The following HERC1 variants were observed in gnomAD, a reference collection of about 807,000 sequenced individuals.
HERC1 encodes the protein HECT and RLD domain containing E3 ubiquitin protein ligase family member 1.
In HERC1, 160 loss-of-function variants were observed where a neutral mutation model predicts 554.3. The ratio of observed to expected loss-of-function variants is 0.29; its 90% CI spans 0.25 to 0.33. HERC1 has a LOEUF of 0.33. Among genes scored for constraint, HERC1 ranks in the 10% least tolerant of loss-of-function variants. The pLI, the probability that HERC1 is intolerant of heterozygous loss-of-function variation, is 1.00. For synonymous variants in HERC1, 2,175 were observed against 2,131.7 expected, an observed-to-expected ratio of 1.02 and a Z score of -0.56; for missense variants, 4,919 against 5,918.5, an observed-to-expected ratio of 0.83 and a Z score of 5.54.
At chr15:63,672,884 C>A (rs1304804778) in intron 38 of HERC1, among the ~76,000 whole-genome samples, 190 bp from the exon 39 acceptor site, 2 of 152,146 alleles carry the variant, frequency 1.3e-5, no homozygotes, top group African/African-American at 4.8e-5. Context: ...CTACTGTACT[C>A]ATTAATTCCA....
Position 63,674,522 on chromosome 15 carries a change from C to A in HERC1, c.7666G>T (p.Asp2556Tyr). 1 of 1,613,584 alleles carries A rather than the reference C, an allele frequency of 6.2e-7. No homozygotes were observed. The highest frequency in any genetic ancestry group is 8.5e-7 in the Non-Finnish European group (1 of 1,179,664). Reference sequence around the variant, plus strand: ...TGCAGGGCTGCTCGCATCTCCACGTCTTCATGAACAACTGGAGAACTTGCA... The same window carrying A: ...TGCAGGGCTGCTCGCATCTCCACGTATTCATGAACAACTGGAGAACTTGCA... ...DCASSPVVHE[D>Y]VEMRAALQFL... Residue 2556 changes from aspartate (D) to tyrosine (Y), a missense_variant, in exon 38 of 78, where the codon GAC (aspartate) becomes TAC (tyrosine). Coordinates refer to ENST00000443617, the MANE Select transcript of HERC1 (RefSeq NM_003922.4).
At chr15:63,625,953 G>T (rs1445980936) in intron 71 of HERC1, 32 bp downstream of exon 71, 1 of 1,586,092 alleles carries the variant, frequency 6.3e-7, no homozygotes, top group African/African-American at 1.3e-5. Flanking sequence ...AAGCCAGTCT[G>T]TGCCTGGCTG....
At chr15:63,829,980 C>A (rs1488032025) in intron 1 of HERC1, among the ~76,000 whole-genome samples, 1 of 152,078 alleles carries the variant, frequency 6.6e-6, no homozygotes, top group Non-Finnish European at 1.5e-5. Flanking sequence ...GGAAAGGGGA[C>A]ATCTCTCCCT....
rs555618523 is a variant in HERC1 at position 63,734,673 on chromosome 15, C to T, written c.2646+51G>A. ...TTATTAGTTTTATTTCCTTCTCAGTCCAAATTTTTAGGATACTACTGGTTT... is the reference window on the plus strand; with the variant it reads ...TTATTAGTTTTATTTCCTTCTCAGTTCAAATTTTTAGGATACTACTGGTTT... On this transcript the variant is annotated intron_variant, in intron 13 of 77. Coordinates refer to ENST00000443617, the MANE Select transcript of HERC1 (RefSeq NM_003922.4). This position sits in a 1 kb window ranked among gnomAD's most constrained non-coding sequence, Gnocchi z 4.6. 2.8e-4 allele frequency: 408 copies of T among 1,462,938 alleles called. 6 individuals are homozygous for T. In the South Asian group the frequency reaches 5.2e-3, roughly 19 times the overall value. 90.6% of individuals were successfully genotyped at this position (1,462,938 alleles called of 1,614,324 possible). A position where few individuals can be genotyped will look rare whatever the true frequency, so the allele number is the denominator to read the frequency against.
chr15:63,799,506 A>C (rs2076913671), intron 1 of HERC1, among the ~76,000 whole-genome samples: 1 of 151,944 alleles, frequency 6.6e-6, no homozygotes, highest in African/African-American at 2.4e-5. Flanking sequence ...CCTCTAAAAA[A>C]AAAAAAATAG....
At chr15:63,792,721 C>T (rs754563295) in intron 1 of HERC1, among the ~76,000 whole-genome samples, 9 of 152,168 alleles carry the variant, frequency 5.9e-5, no homozygotes, top group Non-Finnish European at 8.8e-5. Flanking sequence ...TTTCTCCACA[C>T]GCCAAGCAAG....
chr15:63,833,711 C>T (rs965852768), intron 1 of HERC1, 116 bp downstream of exon 1: 1 of 151,992 alleles, frequency 6.6e-6, no homozygotes, highest in Non-Finnish European at 1.5e-5. Flanking sequence ...CGAAACGGCC[C>T]CGGCCGGCCC....
intron 1 of HERC1, among the ~76,000 whole-genome samples, chr15:63,814,012 T>G (rs1035457777): frequency 6.6e-6 from 1 of 152,018 alleles, no homozygotes; most frequent in Non-Finnish European, 1.5e-5. Flanking sequence ...TGAGCTGAGA[T>G]CGCACCATTG....
chr15:63,764,890 A>G (rs2075725132), intron 2 of HERC1, among the ~76,000 whole-genome samples: 1 of 152,234 alleles, frequency 6.6e-6, no homozygotes, highest in African/African-American at 2.4e-5. Flanking sequence ...CATGCACATT[A>G]AGAGGCAAAA....
chr15:63,638,642 AAC>A, intron 62 of HERC1, 67 bp downstream of exon 62: 1 of 1,583,782 alleles, frequency 6.3e-7, no homozygotes, highest in Non-Finnish European at 8.7e-7. Flanking sequence ...CCAGGGCACA[AAC>A]ACACAAGCAT....
chr15:63,663,331 T>C (rs752755964), intron 43 of HERC1, 127 bp from the exon 44 acceptor site: 11 of 748,232 alleles, frequency 1.5e-5, no homozygotes, highest in South Asian at 3.5e-5. Context: ...TCTCAGACCA[T>C]AAAACATCAA....
At chr15:63,699,223 G>A (rs757861161) in intron 25 of HERC1, among the ~76,000 whole-genome samples, 3 of 152,234 alleles carry the variant, frequency 2.0e-5, no homozygotes, top group Non-Finnish European at 4.4e-5. Flanking sequence ...CCTGTTTGAT[G>A]TACCAGTGTC....
Position 63,712,816 on chromosome 15 carries a change from C to A in HERC1, c.4543G>T (p.Asp1515Tyr). ...TCATCTGATTCAGGCTGAGACAAAT[C>A]AGATTCACTCCTCGATTTGATCAGT... ...YRLIKSRSES[D>Y]LSQPESDEEG... is the part of the protein sequence containing the mutation. Residue 1515 changes from aspartate to tyrosine, a missense_variant, in exon 24 of 78, where the codon GAT (aspartate) becomes TAT (tyrosine). Physicochemically the swap from Asp to Tyr is radical, Grantham distance 160. Around this residue, in one of 11 missense-constraint regions of HERC1, gnomAD observed 1,121 missense variants for 1,244.0 expected, o/e 0.90. Coordinates refer to ENST00000443617, the MANE Select transcript of HERC1 (RefSeq NM_003922.4). 6.2e-7 allele frequency: 1 copy of A among 1,613,808 alleles called. No individual in the cohort carries two copies. The highest frequency in any genetic ancestry group is 8.5e-7 in the Non-Finnish European group (1 of 1,179,784).
In HERC1 at chr15:63,724,948, C is replaced by T. The variant is rs535182712; in HGVS notation, c.3568+344G>A. Among the ~76,000 whole-genome samples the T allele has an allele frequency of 7.9e-5, 12 of 152,296 alleles. No individual in the cohort carries two copies. In the South Asian group the frequency reaches 2.5e-3, roughly 32 times the overall value. On this transcript the variant is annotated intron_variant, in intron 18 of 77. Transcript: ENST00000443617. Reference sequence around the variant, plus strand: ...TGCACTGATAAGTCATGGTTAAGTACTCTTACAGTGCTTTACATTCTGGGA... The same window carrying T: ...TGCACTGATAAGTCATGGTTAAGTATTCTTACAGTGCTTTACATTCTGGGA...
In HERC1 at chr15:63,797,197, T is replaced by C. The variant is rs972356687; in HGVS notation, c.-26-21548A>G. Among the ~76,000 whole-genome samples the C allele has an allele frequency of 2.0e-5, 3 of 152,330 alleles. No individual in the cohort carries two copies. In the East Asian group the frequency reaches 5.8e-4, roughly 29 times the overall value. On this transcript the variant is annotated intron_variant, in intron 1 of 77. Coordinates refer to ENST00000443617, the MANE Select transcript of HERC1 (RefSeq NM_003922.4). ...TAAAACTAATGAAAGGCCACAAGGT[T>C]AGGATTATGAGAGGGGCCTGAATTC...
chr15:63,690,525 T>C lies in HERC1; in HGVS notation c.5937+16A>G, dbSNP rs2072046737. 1 of 1,541,376 alleles carries C rather than the reference T, an allele frequency of 6.5e-7. No homozygotes were observed. Among genetic ancestry groups the C allele is most frequent in the East Asian group, 2.2e-5 (1 of 44,516 alleles). ...AAATATGGAAAACATCTTCTAATAATTTTAAAAATAAAAACCTGGGCCATT... is the reference window on the plus strand; with the variant it reads ...AAATATGGAAAACATCTTCTAATAACTTTAAAAATAAAAACCTGGGCCATT... On this transcript the variant is annotated intron_variant, in intron 32 of 77. Coordinates refer to ENST00000443617, the MANE Select transcript of HERC1 (RefSeq NM_003922.4).
At position 63,638,738 on chromosome 15, in the gene HERC1, A is replaced by T; in HGVS notation, c.11940T>A (p.Ile3980=). ...SKWINGMDEQ[I]MSWATSRPED... ...CAGGTCTGGAAGTTGCCCAAGACATAATTTGTTCATCCATGCCGTTAATCC... is the reference window on the plus strand; with the variant it reads ...CAGGTCTGGAAGTTGCCCAAGACATTATTTGTTCATCCATGCCGTTAATCC... Residue 3980 remains isoleucine, a synonymous_variant, in exon 62 of 78, where the codon ATT becomes ATA. Coordinates refer to ENST00000443617, the MANE Select transcript of HERC1 (RefSeq NM_003922.4). 1 of 1,613,602 alleles carries T rather than the reference A, an allele frequency of 6.2e-7. No individual in the cohort carries two copies. Among genetic ancestry groups the T allele is most frequent in the Non-Finnish European group, 8.5e-7 (1 of 1,179,548 alleles).
intron 1 of HERC1, among the ~76,000 whole-genome samples, chr15:63,829,433 G>A (rs1764125707): frequency 7.0e-6 from 1 of 142,362 alleles, no homozygotes. Context: ...AAAAAAGAAA[G>A]AAACGTCAGT....
chr15:63,774,380 A>T (rs2076053450), intron 2 of HERC1, among the ~76,000 whole-genome samples: 1 of 152,152 alleles, frequency 6.6e-6, no homozygotes, highest in South Asian at 2.1e-4. Context: ...AGACCTGCTG[A>T]TCACTAGCCA....
Sources: gnomAD v4.1 joint callset for allele counts (sites outside exome capture counted in the v4.1 genomes callset) on GRCh38, gnomAD v4.1.1 for gene constraint, gnomAD v4.1.1 regional missense constraint, Gnocchi (gnomAD v3.1) non-coding constraint, MANE v1.5 for transcripts, NCBI Gene and HGNC (gene_info 2026-07-23, HGNC 2026-07-21) for gene names.